The following CAPZA2 variants were observed in gnomAD, a reference collection of about 807,000 sequenced individuals.
The protein encoded by CAPZA2 is F-actin-capping protein subunit alpha-2.
Under a neutral mutation model 44.0 loss-of-function variants are expected in CAPZA2, and 13 were observed. That is an observed-to-expected ratio of 0.30 (90% confidence interval 0.19 to 0.47). The LOEUF (loss-of-function observed/expected upper bound fraction) is 0.47. Among genes scored for constraint, CAPZA2 ranks in the 20% least tolerant of loss-of-function variants. The probability of loss-of-function intolerance (pLI) is 1.00; values close to 1 mark genes in which losing one functional copy is unlikely to be tolerated. For missense variants in CAPZA2, 244 were observed against 338.6 expected (o/e 0.72, Z 2.19); for synonymous variants, 94 against 108.2 (o/e 0.87, Z 0.81).
intron 9 of CAPZA2, among the ~76,000 whole-genome samples, chr7:116,916,641 A>G (rs971736710): frequency 1.3e-5 from 2 of 152,102 alleles, no homozygotes; most frequent in African/African-American, 4.8e-5. Context: ...AAAAAAGACT[A>G]GGTTTTGGCC....
rs202145277 is a variant in CAPZA2 at position 116,910,279 on chromosome 7, A to G, written c.553A>G (p.Thr185Ala). The G allele has an allele frequency of 9.2e-5, 147 of 1,599,760 alleles. 1 individual carries two copies. The highest frequency in any genetic ancestry group is 1.1e-4 in the East Asian group (5 of 44,762). Reference sequence around the variant, plus strand: ...ATGGAAGTTTACAATCACTCCTTCAACCACTCAAGTGGTTGGCATCTTGAA... The same window carrying G: ...ATGGAAGTTTACAATCACTCCTTCAGCCACTCAAGTGGTTGGCATCTTGAA... ...SEWKFTITPSTTQVVGILKIQ... is the reference protein window; with the variant it reads ...SEWKFTITPSATQVVGILKIQ... Residue 185 changes from threonine to alanine, a missense_variant, in exon 7 of 10, where the codon ACC becomes GCC. Thr to Ala is a moderately conservative substitution (Grantham distance 58, BLOSUM62 0). Transcript: ENST00000361183.
At chr7:116,882,473 T>C (rs1435439973) in intron 1 of CAPZA2, among the ~76,000 whole-genome samples, 1 of 152,136 alleles carries the variant, frequency 6.6e-6, no homozygotes, top group Non-Finnish European at 1.5e-5. Flanking sequence ...AGAATTATTA[T>C]TATTATTTTT....
chr7:116,910,786 A>G (rs1421859764), intron 7 of CAPZA2, among the ~76,000 whole-genome samples: 4 of 152,086 alleles, frequency 2.6e-5, no homozygotes, highest in Non-Finnish European at 5.9e-5. Flanking sequence ...TGGGTGGATC[A>G]CAAGGTCAGG....
At chr7:116,877,048 A>C (rs1319507892) in intron 1 of CAPZA2, among the ~76,000 whole-genome samples, 1 of 152,154 alleles carries the variant, frequency 6.6e-6, no homozygotes, top group Non-Finnish European at 1.5e-5. Flanking sequence ...CCTGTGATAA[A>C]AGATTGTTTG....
chr7:116,890,977 C>A (rs1011997708), intron 2 of CAPZA2, among the ~76,000 whole-genome samples: 13 of 152,042 alleles, frequency 8.6e-5, no homozygotes, highest in African/African-American at 2.4e-4. Flanking sequence ...CCTAGGCTGA[C>A]TGTGTTAGAA....
rs185367950 is a variant in CAPZA2 at position 116,885,985 on chromosome 7, C to G, written c.40-2142C>G. 5.2e-5 allele frequency: 8 copies of G among 154,874 alleles called. No individual in the cohort carries two copies. In the Admixed American group the frequency reaches 5.2e-4, roughly 10 times the overall value. The allele number at this position is 154,874 out of a possible 1,614,324, so 9.6% of individuals were successfully genotyped here. On this transcript the variant is annotated intron_variant, in intron 1 of 9. Coordinates refer to ENST00000361183, the MANE Select transcript of CAPZA2 (RefSeq NM_006136.3). ...AAGTCCCAGCCCTCTAATCTTGCCT[C>G]CTCTTTCAGTGACCAGCCCCACCCT...
At position 116,892,902 on chromosome 7, in the gene CAPZA2, G is replaced by A. The variant is rs1796868356; in HGVS notation, c.104-92G>A. On this transcript the variant is annotated intron_variant, in intron 2 of 9. Coordinates refer to ENST00000361183, the MANE Select transcript of CAPZA2 (RefSeq NM_006136.3). ...TTTGATCTTGCTTGTGTTTGGGGTGGGAGGTGTTAATACATCACCAAAACA... is the reference window on the plus strand; with the variant it reads ...TTTGATCTTGCTTGTGTTTGGGGTGAGAGGTGTTAATACATCACCAAAACA... 7 of 643,348 alleles carry A rather than the reference G, an allele frequency of 1.1e-5. No individual in the cohort carries two copies. In the Admixed American group the frequency reaches 1.9e-4, roughly 18 times the overall value. The allele number at this position is 643,348 out of a possible 1,614,324, so 39.9% of individuals were successfully genotyped here. A position where few individuals can be genotyped will look rare whatever the true frequency, so the allele number is the denominator to read the frequency against.
Position 116,895,222 on chromosome 7 carries a change from A to AT in CAPZA2, c.155+2185dup, listed in dbSNP as rs572778463. 7.2e-5 allele frequency among the ~76,000 whole-genome samples: 11 copies of AT among 151,952 alleles called. No homozygotes were observed. In the East Asian group the frequency reaches 7.7e-4, roughly 11 times the overall value. On this transcript the variant is annotated intron_variant, in intron 3 of 9. Transcript: ENST00000361183. ...TTTCATGTGGTGCAAAAATGAGTGGATTTTTTTTAAGTCAAGAAATGAGAA... is the reference window on the plus strand; with the variant it reads ...TTTCATGTGGTGCAAAAATGAGTGGATTTTTTTTTAAGTCAAGAAATGAGAA...
At chr7:116,901,316 C>T (rs1255387872) in intron 4 of CAPZA2, among the ~76,000 whole-genome samples, 1 of 152,138 alleles carries the variant, frequency 6.6e-6, no homozygotes, top group Non-Finnish European at 1.5e-5. Context: ...CCATAGAATA[C>T]TATGCAGCCG....
chr7:116,904,716 CAG>C (rs1791463256), intron 5 of CAPZA2: 1 of 182,166 alleles, frequency 5.5e-6, no homozygotes, highest in Non-Finnish European at 1.1e-5. Context: ...TATTAAGTCA[CAG>C]AAATCTTAGA....
chr7:116,885,362 A>G (rs1281174695), intron 1 of CAPZA2, among the ~76,000 whole-genome samples: 2 of 152,008 alleles, frequency 1.3e-5, no homozygotes, highest in African/African-American at 4.8e-5. Context: ...CAGCACAACA[A>G]TCAACACAGA....
At chr7:116,907,463 G>A (rs937766505) in intron 6 of CAPZA2, among the ~76,000 whole-genome samples, 3 of 152,088 alleles carry the variant, frequency 2.0e-5, no homozygotes. Flanking sequence ...TGTTATTTAT[G>A]CCAGGAAACA....
chr7:116,900,292 A>G (rs1231399551), intron 4 of CAPZA2, among the ~76,000 whole-genome samples: 3 of 151,942 alleles, frequency 2.0e-5, no homozygotes, highest in Non-Finnish European at 2.9e-5. Flanking sequence ...ATGGAGATGT[A>G]GCAAATAAGA....
At chr7:116,863,982 G>A (rs1796450646) in intron 1 of CAPZA2, among the ~76,000 whole-genome samples, 1 of 152,120 alleles carries the variant, frequency 6.6e-6, no homozygotes, top group South Asian at 2.1e-4. Context: ...TTCGGTGAAA[G>A]TGATAATACA....
intron 7 of CAPZA2, 93 bp from the exon 8 acceptor site, chr7:116,911,976 A>G: frequency 6.4e-7 from 1 of 1,574,234 alleles, no homozygotes; most frequent in Non-Finnish European, 8.6e-7. Context: ...TAGAGCTGAA[A>G]TATGTAGTCA....
At chr7:116,892,970 G>T in intron 2 of CAPZA2, 24 bp from the exon 3 acceptor site, 1 of 1,533,492 alleles carries the variant, frequency 6.5e-7, no homozygotes, top group Non-Finnish European at 9.0e-7. Context: ...CAATAATAAT[G>T]TAGATAACAT....
At position 116,920,689 on chromosome 7, in the gene CAPZA2, A is replaced by T. The variant is rs925028492; in HGVS notation, c.*2822A>T. ...GAAATATCTCATGTAGCAGTTAGAT[A>T]CAGGAGACAGGAACTAGAGGAAAGC... On this transcript the variant is annotated 3_prime_UTR_variant, in exon 10 of 10. Coordinates refer to ENST00000361183, the MANE Select transcript of CAPZA2 (RefSeq NM_006136.3). The T allele has an allele frequency of 6.6e-6, 1 of 152,238 alleles. No homozygotes were observed. The highest frequency in any genetic ancestry group is 2.4e-5 in the African/African-American group (1 of 41,454). The allele number at this position is 152,238 out of a possible 1,614,324, so 9.4% of individuals were successfully genotyped here.
Position 116,918,578 on chromosome 7 carries a change from GAGTT to G in CAPZA2, c.*713_*716del, listed in dbSNP as rs1239497011. 1 of 152,292 alleles carries G rather than the reference GAGTT, an allele frequency of 6.6e-6. No individual in the cohort carries two copies. Among genetic ancestry groups the G allele is most frequent in the East Asian group, 1.9e-4 (1 of 5,198 alleles). The allele number at this position is 152,292 out of a possible 1,614,324, so 9.4% of individuals were successfully genotyped here. ...ATCAGCTTGAATTCCATATGTCCCT[GAGTT>G]ATTTTTATCATAAAGCCACAAATGT... is the stretch of plus-strand genomic sequence containing the variant. On this transcript the variant is annotated 3_prime_UTR_variant, in exon 10 of 10. Transcript: ENST00000361183.
chr7:116,865,080 CT>C (rs1398696359), intron 1 of CAPZA2, among the ~76,000 whole-genome samples: 1 of 150,446 alleles, frequency 6.6e-6, no homozygotes, highest in Non-Finnish European at 1.5e-5. Context: ...GGTTCAAAAG[CT>C]TTAAGTAGTT....
Sources: allele counts gnomAD v4.1 joint callset (sites outside exome capture counted in the v4.1 genomes callset), GRCh38; gene constraint gnomAD v4.1.1; transcripts MANE v1.5; gene names NCBI Gene and HGNC (gene_info 2026-07-23, HGNC 2026-07-21).